APBB1IP: variants seen among roughly 807,000 people sequenced by gnomAD.
APBB1IP encodes the protein amyloid beta A4 precursor protein-binding family B member 1-interacting protein.
APBB1IP carries 27 observed loss-of-function variants against 64.9 expected under a neutral mutation model. The ratio of observed to expected loss-of-function variants is 0.42; its 90% CI spans 0.31 to 0.57. The LOEUF is 0.57. Ranked by LOEUF, APBB1IP falls within the 20% of genes least tolerant of loss-of-function variation. APBB1IP has a pLI of 0.20. For synonymous variants in APBB1IP, 392 were observed against 331.0 expected (o/e 1.18, Z -2.00); for missense variants, 812 against 845.5 (o/e 0.96, Z 0.49).
intron 2 of APBB1IP, among the ~76,000 whole-genome samples, chr10:26,491,248 A>C (rs1382355079): frequency 9.9e-5 from 15 of 152,124 alleles, no homozygotes; most frequent in Admixed American, 9.8e-4. Flanking sequence ...CACTCACTCC[A>C]GCCTGGGGGA....
chr10:26,524,958 T>TCTTTTTTTTA (rs1183632658), intron 8 of APBB1IP, among the ~76,000 whole-genome samples: 1 of 131,892 alleles, frequency 7.6e-6, no homozygotes, highest in Non-Finnish European at 1.6e-5. Context: ...TTTCTTTCTT[T>TCTTTTTTTTA]TTTTTTTTTT....
chr10:26,448,047 A>C (rs1835420925), intron 2 of APBB1IP, among the ~76,000 whole-genome samples: 1 of 152,200 alleles, frequency 6.6e-6, no homozygotes. Flanking sequence ...ATAAACTATT[A>C]AAATGTGAAT....
chr10:26,561,172 C>T (rs200084193), intron 13 of APBB1IP, among the ~76,000 whole-genome samples: 5 of 146,252 alleles, frequency 3.4e-5, no homozygotes, highest in South Asian at 2.2e-4. Flanking sequence ...GGGTTCACAC[C>T]GTTCTCCTGC....
intron 8 of APBB1IP, among the ~76,000 whole-genome samples, chr10:26,521,903 A>G (rs1007921325): frequency 6.6e-6 from 1 of 152,136 alleles, no homozygotes; most frequent in Non-Finnish European, 1.5e-5. Context: ...GGCATGCGCC[A>G]CCATGCCCAG....
At chr10:26,537,638 A>G (rs1327053380) in intron 10 of APBB1IP, among the ~76,000 whole-genome samples, 1 of 152,226 alleles carries the variant, frequency 6.6e-6, no homozygotes, top group Non-Finnish European at 1.5e-5. Context: ...GAGAATTAAA[A>G]GTGTTTACAT....
At position 26,546,968 on chromosome 10, in the gene APBB1IP, T is replaced by A. The variant is rs117155209; in HGVS notation, c.1155+5276T>A. On this transcript the variant is annotated intron_variant, in intron 11 of 14. Transcript: ENST00000376236. ...TGTATTTTCAGTTTTTTGAGGCACC[T>A]CCATACTGTTTTCTGTAATGGCTAG... Among the ~76,000 whole-genome samples, 99 of 152,328 alleles carry A rather than the reference T, an allele frequency of 6.5e-4. 3 individuals carry two copies. The East Asian group carries it at 0.017, about 26-fold the overall frequency.
At chr10:26,560,697 T>G in intron 12 of APBB1IP, 33 bp from the exon 13 acceptor site, 4 of 1,494,894 alleles carry the variant, frequency 2.7e-6, no homozygotes, top group African/African-American at 1.4e-5. Flanking sequence ...ATACATGGAT[T>G]CCTTTCCTTC....
chr10:26,552,374 G>C (rs745596278), intron 11 of APBB1IP, among the ~76,000 whole-genome samples: 1 of 152,114 alleles, frequency 6.6e-6, no homozygotes, highest in East Asian at 1.9e-4. Context: ...AAGGCAGGAG[G>C]ATCACTTGAC....
intron 11 of APBB1IP, among the ~76,000 whole-genome samples, chr10:26,550,271 C>G (rs945920324): frequency 2.6e-5 from 4 of 151,912 alleles, no homozygotes; most frequent in Admixed American, 6.6e-5. Context: ...CTTTGACCTT[C>G]CTGTGCCTGG....
At chr10:26,537,159 C>A (rs959518082) in intron 10 of APBB1IP, among the ~76,000 whole-genome samples, 4 of 141,184 alleles carry the variant, frequency 2.8e-5, no homozygotes, top group African/African-American at 9.8e-5. Context: ...GGGTTAGGAC[C>A]TTTCCGTCTT....
intron 2 of APBB1IP, among the ~76,000 whole-genome samples, chr10:26,465,676 T>C (rs986938611): frequency 3.3e-5 from 5 of 152,200 alleles, no homozygotes; most frequent in African/African-American, 1.2e-4. Flanking sequence ...AAGACTGACA[T>C]TTTGGGCATG....
In APBB1IP at chr10:26,489,879, G is replaced by A. The variant is rs531794968; in HGVS notation, c.1-2448G>A. 1.6e-4 allele frequency among the ~76,000 whole-genome samples: 24 copies of A among 152,130 alleles called. 2 individuals carry two copies. The South Asian group carries it at 5.0e-3, about 32-fold the overall frequency. On this transcript the variant is annotated intron_variant, in intron 2 of 14. Transcript: ENST00000376236. ...ATCTCTACTAAAAATACGAAAATTAGCCAGGCATAGTGGTGGGTGCCCATA... is the reference window on the plus strand; with the variant it reads ...ATCTCTACTAAAAATACGAAAATTAACCAGGCATAGTGGTGGGTGCCCATA...
At chr10:26,475,047 G>A (rs1032926660) in intron 2 of APBB1IP, among the ~76,000 whole-genome samples, 1 of 152,128 alleles carries the variant, frequency 6.6e-6, no homozygotes, top group African/African-American at 2.4e-5. Flanking sequence ...AGATGAGAAC[G>A]TGGCTCTATG....
chr10:26,503,297 A>T (rs760290851), intron 6 of APBB1IP, 23 bp downstream of exon 6: 1 of 1,612,406 alleles, frequency 6.2e-7, no homozygotes. Context: ...TCCCTTTTGC[A>T]TGGGGGCAGT....
intron 8 of APBB1IP, among the ~76,000 whole-genome samples, chr10:26,521,299 C>G (rs1044468441): frequency 2.6e-5 from 4 of 152,190 alleles, no homozygotes; most frequent in African/African-American, 9.6e-5. Flanking sequence ...GCCATCAACT[C>G]TCAGTGGTGA....
chr10:26,522,273 A>G (rs968198547), intron 8 of APBB1IP, among the ~76,000 whole-genome samples: 6 of 152,072 alleles, frequency 3.9e-5, no homozygotes, highest in Non-Finnish European at 7.4e-5. Flanking sequence ...AAGAGTGCCT[A>G]TATATCCCGT....
At chr10:26,490,812 T>A (rs1249322845) in intron 2 of APBB1IP, among the ~76,000 whole-genome samples, 3 of 152,236 alleles carry the variant, frequency 2.0e-5, no homozygotes, top group South Asian at 2.1e-4. Flanking sequence ...TCTGCTTTTT[T>A]ATATATTTTT....
At chr10:26,504,544 T>C (rs1836149499) in intron 6 of APBB1IP, among the ~76,000 whole-genome samples, 2 of 152,054 alleles carry the variant, frequency 1.3e-5, no homozygotes, top group Non-Finnish European at 2.9e-5. Flanking sequence ...ACCCTGTCTA[T>C]ACTAAAAGTA....
At chr10:26,545,526 C>A (rs924368650) in intron 11 of APBB1IP, among the ~76,000 whole-genome samples, 4 of 151,960 alleles carry the variant, frequency 2.6e-5, no homozygotes, top group African/African-American at 9.7e-5. Flanking sequence ...TTTGGGAGGC[C>A]GAGGCGGGCG....
Sources: allele counts gnomAD v4.1 joint callset (sites outside exome capture counted in the v4.1 genomes callset), GRCh38; gene constraint gnomAD v4.1.1; transcripts MANE v1.5; gene names NCBI Gene and HGNC (gene_info 2026-07-23, HGNC 2026-07-21).